Variants in SNX27 observed in about 807,000 individuals in gnomAD.
SNX27 encodes the protein sorting nexin-27.
SNX27 carries 22 observed loss-of-function variants against 71.6 expected under a neutral mutation model. The observed-to-expected ratio is 0.31, with a 90% CI of 0.22 to 0.44. The LOEUF is 0.44. SNX27 is among the 20% of genes least tolerant of loss of function. The probability of loss-of-function intolerance (pLI) is 1.00; values close to 1 mark genes in which losing one functional copy is unlikely to be tolerated. For synonymous variants in SNX27, 269 were observed against 277.2 expected, an observed-to-expected ratio of 0.97 and a Z score of 0.29; for missense variants, 531 against 698.6, an observed-to-expected ratio of 0.76 and a Z score of 2.70.
intron 1 of SNX27, among the ~76,000 whole-genome samples, chr1:151,625,784 CAAAAA>C (rs773796738): frequency 3.6e-5 from 3 of 83,238 alleles, no homozygotes; most frequent in African/African-American, 8.9e-5. Flanking sequence ...ACTCTGTGTC[CAAAAA>C]AAAAAAAAAA....
chr1:151,676,723 T>C (rs1424685983), intron 7 of SNX27: 3 of 152,308 alleles, frequency 2.0e-5, no homozygotes, highest in South Asian at 2.1e-4. Flanking sequence ...AGCACACTTA[T>C]ATTTAGTGTG....
chr1:151,661,236 A>G (rs137936381), intron 4 of SNX27: 5 of 191,298 alleles, frequency 2.6e-5, no homozygotes, highest in African/African-American at 1.2e-4. Flanking sequence ...ACCTGTAGGT[A>G]AGAGCTAAAT....
chr1:151,691,466 G>GT (rs553869904), intron 8 of SNX27, among the ~76,000 whole-genome samples: 453 of 132,588 alleles, frequency 3.4e-3, no homozygotes, highest in African/African-American at 4.3e-3. Context: ...TGTTTTTCTG[G>GT]TTTTTTTTTT....
chr1:151,685,010 T>G (rs1184252944), intron 8 of SNX27, among the ~76,000 whole-genome samples: 2 of 152,058 alleles, frequency 1.3e-5, no homozygotes, highest in Non-Finnish European at 2.9e-5. Context: ...GGTTTCACCA[T>G]GTTGGCCAGG....
At chr1:151,613,574 T>C (rs113696502) in intron 1 of SNX27, among the ~76,000 whole-genome samples, 1 of 152,026 alleles carries the variant, frequency 6.6e-6, no homozygotes, top group Non-Finnish European at 1.5e-5. Context: ...TTCTTCTGTT[T>C]TTTAAGGCGC....
intron 11 of SNX27, 178 bp from the exon 12 acceptor site, chr1:151,694,192 A>G (rs1402506265): frequency 5.9e-6 from 8 of 1,362,076 alleles, no homozygotes; most frequent in Non-Finnish European, 7.5e-6. Flanking sequence ...CGTAATTAAT[A>G]TCCAAGGTCC....
chr1:151,655,146 A>G (rs1323845261), intron 2 of SNX27, among the ~76,000 whole-genome samples: 3 of 152,104 alleles, frequency 2.0e-5, no homozygotes, highest in Non-Finnish European at 4.4e-5. Context: ...AAGCTACTTA[A>G]AGATTACTTT....
chr1:151,640,127 G>A (rs201466119), intron 2 of SNX27, among the ~76,000 whole-genome samples: 1 of 152,176 alleles, frequency 6.6e-6, no homozygotes, highest in East Asian at 1.9e-4. Flanking sequence ...TCTGTAATTA[G>A]CTGTAGATAA....
intron 7 of SNX27, among the ~76,000 whole-genome samples, chr1:151,672,779 T>C (rs1001679010): frequency 5.3e-5 from 8 of 152,080 alleles, no homozygotes; most frequent in Admixed American, 5.2e-4. Flanking sequence ...TATTGACATA[T>C]AGTTAATCAT....
At chr1:151,661,072 A>G (rs567304344) in intron 4 of SNX27, 299 of 493,976 alleles carry the variant, frequency 6.1e-4, no homozygotes, top group Non-Finnish European at 9.2e-4. Flanking sequence ...TCTCTTTGAA[A>G]CCATCCCTGA....
At chr1:151,618,378 T>G (rs1396996569) in intron 1 of SNX27, among the ~76,000 whole-genome samples, 1 of 152,224 alleles carries the variant, frequency 6.6e-6, no homozygotes, top group Non-Finnish European at 1.5e-5. Flanking sequence ...ATTTTTAAAT[T>G]CCTTTTAATT....
Position 151,612,372 on chromosome 1 carries a change from GC to G in SNX27, c.172del (p.Arg58GlyfsTer4). 1 of 1,545,144 alleles carries G rather than the reference GC, an allele frequency of 6.5e-7. No homozygotes were observed. The highest frequency in any genetic ancestry group is 8.7e-7 in the Non-Finnish European group (1 of 1,149,930). ...KSESGYGFNV[R>X]GQVSEGGQLR... ...CCGAGTCCGGCTACGGCTTCAACGT[GC>G]GGGGCCAAGTGAGCGAGGGCGGGCA... On this transcript the variant is annotated frameshift_variant, in exon 1 of 12. Transcript: ENST00000458013. LOFTEE classifies it high-confidence loss of function. This position sits in a 1 kb window ranked among gnomAD's most constrained non-coding sequence, Gnocchi z 5.2.
At chr1:151,678,197 C>G (rs187795804) in intron 7 of SNX27, 2 of 152,122 alleles carry the variant, frequency 1.3e-5, no homozygotes, top group Admixed American at 1.3e-4. Flanking sequence ...GCTCCTGGCC[C>G]AGAACTCTTT....
At position 151,612,567 on chromosome 1, in the gene SNX27, C is replaced by CA. The variant is rs779037898; in HGVS notation, c.311+56dup. 1.6e-6 allele frequency: 2 copies of CA among 1,235,488 alleles called. No individual in the cohort carries two copies. The allele number at this position is 1,235,488 out of a possible 1,614,324, so 76.5% of individuals were successfully genotyped here. On this transcript the variant is annotated intron_variant, in intron 1 of 11. Transcript: ENST00000458013. The surrounding 1 kb of genome is among the most constrained non-coding windows in gnomAD (Gnocchi z 5.2). Reference sequence around the variant, plus strand: ...CCTCCCCGCGCCCCTCCTGCCCCTGCACTCCTCGCTACCCTTGTCACCCCC... The same window carrying CA: ...CCTCCCCGCGCCCCTCCTGCCCCTGCAACTCCTCGCTACCCTTGTCACCCCC...
chr1:151,648,941 TTTTTC>T, intron 2 of SNX27, among the ~76,000 whole-genome samples: 1 of 152,112 alleles, frequency 6.6e-6, no homozygotes, highest in East Asian at 1.9e-4. Flanking sequence ...GTGGATTGTT[TTTTTC>T]TTTTCTTTTT....
At position 151,625,840 on chromosome 1, in the gene SNX27, C is replaced by T. The variant is rs1571767266; in HGVS notation, c.312-13048C>T. Reference sequence around the variant, plus strand: ...GCACACACCTGTAATCCCTGCTGCTCGGGAGGCTGAGGCAGGAGAATTGCT... The same window carrying T: ...GCACACACCTGTAATCCCTGCTGCTTGGGAGGCTGAGGCAGGAGAATTGCT... On this transcript the variant is annotated intron_variant, in intron 1 of 11. Transcript: ENST00000458013. Among the ~76,000 whole-genome samples the T allele has an allele frequency of 2.0e-5, 3 of 148,538 alleles. No homozygotes were observed. The East Asian group carries it at 6.1e-4, about 30-fold the overall frequency.
rs2102751394 is a variant in SNX27 at position 151,696,268 on chromosome 1, A to G, written c.*1851A>G. On this transcript the variant is annotated 3_prime_UTR_variant, in exon 12 of 12. Transcript: ENST00000458013. Reference sequence around the variant, plus strand: ...GAAGCACCAAGTCAGGCTCAGATGCAACTAAAACACATCTTTGAGCCTTTT... The same window carrying G: ...GAAGCACCAAGTCAGGCTCAGATGCGACTAAAACACATCTTTGAGCCTTTT... 1 of 152,312 alleles carries G rather than the reference A, an allele frequency of 6.6e-6. No homozygotes were observed. Among genetic ancestry groups the G allele is most frequent in the African/African-American group, 2.4e-5 (1 of 41,566 alleles). The allele number at this position is 152,312 out of a possible 1,614,324, so 9.4% of individuals were successfully genotyped here.
chr1:151,645,932 TA>T (rs922509882), intron 2 of SNX27, among the ~76,000 whole-genome samples: 5 of 152,224 alleles, frequency 3.3e-5, no homozygotes, highest in Non-Finnish European at 5.9e-5. Flanking sequence ...TTATAGTGGT[TA>T]CAGCAGAAGG....
chr1:151,664,387 C>G (rs1318185299), intron 5 of SNX27, among the ~76,000 whole-genome samples: 5 of 151,754 alleles, frequency 3.3e-5, no homozygotes, highest in Admixed American at 1.3e-4. Context: ...TTGATGCAAC[C>G]TAGTATTTTC....
Sources: allele counts gnomAD v4.1 joint callset (sites outside exome capture counted in the v4.1 genomes callset), GRCh38; gene constraint gnomAD v4.1.1; non-coding constraint Gnocchi (gnomAD v3.1); transcripts MANE v1.5; gene names NCBI Gene and HGNC (gene_info 2026-07-23, HGNC 2026-07-21).